FGFR2: variants seen among roughly 807,000 people sequenced by gnomAD.
FGFR2 encodes the protein fibroblast growth factor receptor 2.
A neutral mutation model predicts 95.9 loss-of-function variants in FGFR2; 19 were observed. The ratio of observed to expected loss-of-function variants is 0.20; its 90% CI spans 0.14 to 0.29. The LOEUF (loss-of-function observed/expected upper bound fraction) is 0.29, where lower values mean the gene tolerates loss of function less well. Ranked by LOEUF, FGFR2 falls within the 10% of genes least tolerant of loss-of-function variation. The probability of loss-of-function intolerance (pLI) is 1.00; values close to 1 mark genes in which losing one functional copy is unlikely to be tolerated. For synonymous variants in FGFR2, 392 were observed against 393.3 expected (o/e 1.00, Z 0.04); for missense variants, 707 against 1,056.9 (o/e 0.67, Z 4.59).
At chr10:121,557,473 T>A (rs995435354) in intron 4 of FGFR2, among the ~76,000 whole-genome samples, 5 of 152,086 alleles carry the variant, frequency 3.3e-5, no homozygotes, top group Non-Finnish European at 7.4e-5. Flanking sequence ...CACACCTGGC[T>A]AATCTTTTAT....
chr10:121,523,453 C>T (rs1850846235), intron 6 of FGFR2, among the ~76,000 whole-genome samples: 1 of 152,168 alleles, frequency 6.6e-6, no homozygotes, highest in Non-Finnish European at 1.5e-5. Flanking sequence ...CAGCTGGCCT[C>T]ATCCATGTGG....
chr10:121,532,369 G>C (rs908086277), intron 6 of FGFR2, among the ~76,000 whole-genome samples: 1 of 152,122 alleles, frequency 6.6e-6, no homozygotes, highest in African/African-American at 2.4e-5. Flanking sequence ...ATCACACACA[G>C]AAACAAAAAT....
chr10:121,516,791 C>T (rs146220987), intron 8 of FGFR2, among the ~76,000 whole-genome samples: 1 of 152,166 alleles, frequency 6.6e-6, no homozygotes, highest in Non-Finnish European at 1.5e-5. Context: ...TCCATCCTAT[C>T]GCAACATGCA....
At chr10:121,547,726 G>A (rs960571334) in intron 5 of FGFR2, among the ~76,000 whole-genome samples, 2 of 152,096 alleles carry the variant, frequency 1.3e-5, no homozygotes, top group Non-Finnish European at 2.9e-5. Context: ...CGTAGGTAAC[G>A]AAGAAAATAT....
chr10:121,509,908 C>G (rs1012608632), intron 9 of FGFR2, among the ~76,000 whole-genome samples: 3 of 151,890 alleles, frequency 2.0e-5, no homozygotes, highest in Admixed American at 1.3e-4. Context: ...GTGTTTACTC[C>G]CCAGGACTGA....
At chr10:121,578,119 G>A (rs1860224682) in intron 2 of FGFR2, among the ~76,000 whole-genome samples, 1 of 151,994 alleles carries the variant, frequency 6.6e-6, no homozygotes, top group South Asian at 2.1e-4. Context: ...ATCACCCATG[G>A]TGCGCCTCTT....
chr10:121,498,733 A>C (rs1564879963), intron 11 of FGFR2, 128 bp from the exon 12 acceptor site: 2 of 808,862 alleles, frequency 2.5e-6, no homozygotes, highest in Non-Finnish European at 4.2e-6. Context: ...GATTTTCCAA[A>C]TCATCTCCCT....
intron 4 of FGFR2, among the ~76,000 whole-genome samples, chr10:121,551,936 CA>C (rs1468157284): frequency 1.3e-5 from 2 of 151,744 alleles, no homozygotes; most frequent in African/African-American, 4.8e-5. Flanking sequence ...TAAGGGCAAT[CA>C]ATAGTATAAA....
At chr10:121,590,532 C>T (rs934287091) in intron 2 of FGFR2, among the ~76,000 whole-genome samples, 1 of 152,124 alleles carries the variant, frequency 6.6e-6, no homozygotes, top group African/African-American at 2.4e-5. Context: ...AACTGGAAAA[C>T]TCATATTTAA....
chr10:121,538,428 G>T, intron 6 of FGFR2, 164 bp downstream of exon 6: 1 of 1,076,560 alleles, frequency 9.3e-7, no homozygotes, highest in Non-Finnish European at 1.5e-6. Context: ...ACAGAATATT[G>T]TCAGATGACA....
At chr10:121,564,345 T>C (rs1857367158) in intron 4 of FGFR2, 157 bp downstream of exon 4, 1 of 701,114 alleles carries the variant, frequency 1.4e-6, no homozygotes, top group Non-Finnish European at 2.6e-6. Context: ...ACTGGTTTAT[T>C]CTCAGGTTTG....
At chr10:121,490,134 A>G (rs1845932241) in intron 13 of FGFR2, among the ~76,000 whole-genome samples, 1 of 146,142 alleles carries the variant, frequency 6.8e-6, no homozygotes, top group South Asian at 2.2e-4. Context: ...AGAAAGATCT[A>G]GCTATTACGA....
chr10:121,488,185 A>G, intron 13 of FGFR2, 72 bp from the exon 14 acceptor site: 4 of 1,584,254 alleles, frequency 2.5e-6, no homozygotes, highest in Non-Finnish European at 3.4e-6. Flanking sequence ...AAATATGTTC[A>G]TTTCTTAAAA....
rs545491473 is a variant in FGFR2 at position 121,516,410 on chromosome 10, T to C, written c.1084+909A>G. On this transcript the variant is annotated intron_variant, in intron 8 of 17. Coordinates refer to ENST00000358487, the MANE Select transcript of FGFR2 (RefSeq NM_000141.5). Reference sequence around the variant, plus strand: ...TTTAATCAGAAAAATACTTGCAAGATAGTCAAAACTCTCAGCAGCAACAGC... The same window carrying C: ...TTTAATCAGAAAAATACTTGCAAGACAGTCAAAACTCTCAGCAGCAACAGC... Among the ~76,000 whole-genome samples, 113 of 152,340 alleles carry C rather than the reference T, an allele frequency of 7.4e-4. 2 individuals are homozygous for C. Among genetic ancestry groups the C allele is most frequent in the African/African-American group, 2.5e-3 (105 of 41,574 alleles).
chr10:121,538,707 G>A lies in FGFR2; in HGVS notation c.633C>T (p.Asn211=), dbSNP rs1385207027. 3.1e-6 allele frequency: 5 copies of A among 1,614,022 alleles called. 1 individual carries two copies. In the South Asian group the frequency reaches 5.5e-5, roughly 18 times the overall value. ...TTTCCATAATGAGGCTCCAGTGCTG[G>A]TTTCGTACCTGAAAAGATCAAAGCA... ...EHRIGGYKVR[N]QHWSLIMESV... The change falls in exon 6 of 18, where the codon AAC becomes AAT. Residue 211 remains asparagine (N), a synonymous_variant. Coordinates refer to ENST00000358487, the MANE Select transcript of FGFR2 (RefSeq NM_000141.5).
chr10:121,525,212 T>C (rs1368481310), intron 6 of FGFR2, among the ~76,000 whole-genome samples: 1 of 152,142 alleles, frequency 6.6e-6, no homozygotes, highest in African/African-American at 2.4e-5. Flanking sequence ...AGGTTGCAAA[T>C]GCACAGTGCA....
intron 10 of FGFR2, among the ~76,000 whole-genome samples, chr10:121,502,595 A>G (rs1165845883): frequency 6.6e-6 from 1 of 152,244 alleles, no homozygotes; most frequent in Non-Finnish European, 1.5e-5. Context: ...AGAGCTCATC[A>G]GATCAGTCTC....
In FGFR2 at chr10:121,498,483, C is replaced by T. The variant is rs377549578; in HGVS notation, c.1672+12G>A. ...GAGTATTTGGGCGAATGCAGTTTTTCCTCCTACTCACCATCCTGTGTGCAG... is the reference window on the plus strand; with the variant it reads ...GAGTATTTGGGCGAATGCAGTTTTTTCTCCTACTCACCATCCTGTGTGCAG... On this transcript the variant is annotated intron_variant, in intron 12 of 17. Transcript: ENST00000358487. 1 of 1,534,114 alleles carries T rather than the reference C, an allele frequency of 6.5e-7. No individual in the cohort carries two copies. The highest frequency in any genetic ancestry group is 9.0e-7 in the Non-Finnish European group (1 of 1,107,068).
intron 3 of FGFR2, 32 bp from the exon 4 acceptor site, chr10:121,564,611 G>GT (rs1564998058): frequency 1.3e-5 from 21 of 1,602,880 alleles, no homozygotes; most frequent in Non-Finnish European, 1.7e-5. Flanking sequence ...CCATGGATGT[G>GT]TTTTTTGCAA....
Sources: allele counts gnomAD v4.1 joint callset (sites outside exome capture counted in the v4.1 genomes callset), GRCh38; gene constraint gnomAD v4.1.1; transcripts MANE v1.5; gene names NCBI Gene and HGNC (gene_info 2026-07-23, HGNC 2026-07-21).